The following MPP3 variants were observed in gnomAD, a reference collection of about 807,000 sequenced individuals.
MPP3 encodes MAGUK p55 subfamily member 3.
A neutral mutation model predicts 80.7 loss-of-function variants in MPP3; 48 were observed. The observed-to-expected ratio is 0.59, with a 90% CI of 0.47 to 0.76. The LOEUF (loss-of-function observed/expected upper bound fraction) is 0.76. MPP3 is among the 30% of genes least tolerant of loss of function. MPP3 has a pLI of 0.00. For missense variants in MPP3, 620 were observed against 763.0 expected (o/e 0.81, Z 2.21); for synonymous variants, 311 against 297.6 (o/e 1.04, Z -0.46).
chr17:43,831,409 A>T, intron 4 of MPP3, 88 bp from the exon 5 acceptor site: 1 of 1,435,412 alleles, frequency 7.0e-7, no homozygotes, highest in South Asian at 1.2e-5. Context: ...AGACTGGGCC[A>T]CTGACAGGGC....
chr17:43,810,732 G>T, intron 18 of MPP3, 75 bp downstream of exon 18: 1 of 983,136 alleles, frequency 1.0e-6, no homozygotes, highest in Non-Finnish European at 1.6e-6. Flanking sequence ...CTGAGGTTAA[G>T]TGTTGTGTAA....
chr17:43,817,873 A>C, intron 12 of MPP3, 173 bp downstream of exon 12: 2 of 400,788 alleles, frequency 5.0e-6, no homozygotes, highest in Non-Finnish European at 4.6e-6. Flanking sequence ...CTCTCCAGGG[A>C]CTAGCTGCCC....
intron 14 of MPP3, chr17:43,815,726 T>C (rs1287659611): frequency 3.3e-5 from 19 of 576,026 alleles, no homozygotes; most frequent in Non-Finnish European, 6.1e-5. Context: ...TGCGTGGTAG[T>C]GGTGTTAATA....
intron 12 of MPP3, among the ~76,000 whole-genome samples, chr17:43,817,694 C>T (rs16940239): frequency 0.04 from 6,143 of 152,270 alleles, 411 homozygotes; most frequent in African/African-American, 0.14. Context: ...CCTTCCAACG[C>T]CAGTGCTTCT....
chr17:43,826,450 T>C (rs886382818), intron 8 of MPP3, among the ~76,000 whole-genome samples: 1 of 152,238 alleles, frequency 6.6e-6, no homozygotes, highest in Non-Finnish European at 1.5e-5. Context: ...GTCTGCATTT[T>C]AACAAGATGC....
chr17:43,830,093 C>A lies in MPP3; in HGVS notation c.237G>T (p.Leu79Phe). 6.5e-7 allele frequency: 1 copy of A among 1,545,182 alleles called. No individual in the cohort carries two copies. Among genetic ancestry groups the A allele is most frequent in the Non-Finnish European group, 8.7e-7 (1 of 1,147,078 alleles). The change falls in exon 6 of 20, where the codon TTG becomes TTT. Residue 79 changes from leucine (L) to phenylalanine (F), a missense_variant. By Grantham distance (22) the Leu-to-Phe change is conservative. Coordinates refer to ENST00000398389, the MANE Select transcript of MPP3 (RefSeq NM_001932.6). The part of the protein sequence containing the change: ...VALAEDVMEE[L>F]QAASVHSDER... The stretch of plus-strand genomic sequence containing the variant: ...CATCACTGTGCACGGAGGCGGCCTG[C>A]AACTCCTCCATCACCTGCAGAGAAT...
In MPP3 at chr17:43,831,947, G is replaced by C. The variant is rs779400285; in HGVS notation, c.-37-4C>G. 1 of 1,603,076 alleles carries C rather than the reference G, an allele frequency of 6.2e-7. No individual in the cohort carries two copies. ...TCCCGACCTCTCCCTGCAGATTCTG[G>C]GAGAAGGGGGTGGAGGTGGGTATTG... On this transcript the variant is annotated splice_region_variant and splice_polypyrimidine_tract_variant and intron_variant, in intron 2 of 19. Transcript: ENST00000398389.
chr17:43,832,184 C>T (rs551860177), intron 2 of MPP3: 1 of 519,994 alleles, frequency 1.9e-6, no homozygotes, highest in East Asian at 3.5e-5. Flanking sequence ...GCACAAAGTC[C>T]TGAGAAATGA....
At chr17:43,816,597 AG>A in intron 13 of MPP3, 79 bp downstream of exon 13, 1 of 1,332,692 alleles carries the variant, frequency 7.5e-7, no homozygotes, top group Non-Finnish European at 1.1e-6. Flanking sequence ...AGATAGGGAA[AG>A]AACACGAGCC....
chr17:43,821,749 TATTTTCAGACC>T (rs2045472430), intron 10 of MPP3, among the ~76,000 whole-genome samples: 1 of 152,220 alleles, frequency 6.6e-6, no homozygotes, highest in African/African-American at 2.4e-5. Flanking sequence ...TATTTATTTC[TATTTTCAGACC>T]ATTAGGGCCC....
At chr17:43,821,350 A>T (rs2045451368) in intron 10 of MPP3, among the ~76,000 whole-genome samples, 1 of 152,224 alleles carries the variant, frequency 6.6e-6, no homozygotes, top group Non-Finnish European at 1.5e-5. Flanking sequence ...CTGTCCTCAT[A>T]ACAGCCTCTT....
chr17:43,803,005 G>C (rs2044475339), intron 19 of MPP3, among the ~76,000 whole-genome samples: 1 of 152,288 alleles, frequency 6.6e-6, no homozygotes, highest in South Asian at 2.1e-4. Flanking sequence ...AGAAGGCTGA[G>C]ATAATTTCTT....
At chr17:43,813,045 C>A (rs982434390) in intron 16 of MPP3, among the ~76,000 whole-genome samples, 1 of 152,150 alleles carries the variant, frequency 6.6e-6, no homozygotes, top group East Asian at 1.9e-4. Flanking sequence ...TCTGAGGAGG[C>A]CCCATTAGGG....
chr17:43,823,868 C>T, intron 10 of MPP3, 63 bp downstream of exon 10: 2 of 1,198,550 alleles, frequency 1.7e-6, no homozygotes, highest in Non-Finnish European at 1.2e-6. Context: ...TGGATCCAGC[C>T]CCCAGCCAGC....
chr17:43,829,796 C>G lies in MPP3; in HGVS notation c.304-5G>C, dbSNP rs201562856. 3.0e-4 allele frequency: 489 copies of G among 1,612,300 alleles called. No individual in the cohort carries two copies. Among genetic ancestry groups the G allele is most frequent in the Non-Finnish European group, 2.6e-4 (304 of 1,179,708 alleles). On this transcript the variant is annotated splice_polypyrimidine_tract_variant and splice_region_variant and intron_variant, in intron 6 of 19. Transcript: ENST00000398389. ...GTCATGTACCATGAGCACAGCCTGCCGGGAAAGCCAGAGAAAAGGAAGGCT... is the reference window on the plus strand; with the variant it reads ...GTCATGTACCATGAGCACAGCCTGCGGGGAAAGCCAGAGAAAAGGAAGGCT...
intron 8 of MPP3, among the ~76,000 whole-genome samples, chr17:43,826,460 C>G (rs2045700048): frequency 6.6e-6 from 1 of 152,210 alleles, no homozygotes; most frequent in Non-Finnish European, 1.5e-5. Flanking sequence ...TAACAAGATG[C>G]TCAGGGAATT....
intron 19 of MPP3, among the ~76,000 whole-genome samples, chr17:43,803,857 G>A (rs557043016): frequency 6.6e-6 from 1 of 152,302 alleles, no homozygotes; most frequent in South Asian, 2.1e-4. Context: ...CAGTGTGGTG[G>A]AGCATGAACG....
At chr17:43,803,549 C>A (rs535325662) in intron 19 of MPP3, among the ~76,000 whole-genome samples, 1 of 152,272 alleles carries the variant, frequency 6.6e-6, no homozygotes, top group Admixed American at 6.5e-5. Flanking sequence ...AAGCCAGAAG[C>A]CCCATTAACT....
In MPP3 at chr17:43,811,552, T is replaced by G. The variant is rs561733831; in HGVS notation, c.1256-347A>C. 288 of 209,312 alleles carry G rather than the reference T, an allele frequency of 1.4e-3. 1 individual carries two copies. Among genetic ancestry groups the G allele is most frequent in the African/African-American group, 6.4e-3 (276 of 43,288 alleles). 13.0% of individuals were successfully genotyped at this position (209,312 alleles called of 1,614,324 possible). ...GCCCAGCTTATACCCTTAACCACTC[T>G]GCTAACTGACTCCCTGATGCTGTGT... On this transcript the variant is annotated intron_variant, in intron 16 of 19. Coordinates refer to ENST00000398389, the MANE Select transcript of MPP3 (RefSeq NM_001932.6).
Sources: allele counts gnomAD v4.1 joint callset (sites outside exome capture counted in the v4.1 genomes callset), GRCh38; gene constraint gnomAD v4.1.1; transcripts MANE v1.5; gene names NCBI Gene and HGNC (gene_info 2026-07-23, HGNC 2026-07-21).